The following C11orf24 variants were observed in gnomAD, a reference collection of about 807,000 sequenced individuals.
The protein encoded by C11orf24 is chromosome 11 open reading frame 24.
Under a neutral mutation model 7.3 loss-of-function variants are expected in C11orf24, and 5 were observed. The ratio of observed to expected loss-of-function variants is 0.69; its 90% CI spans 0.36 to 1.45. C11orf24 has a LOEUF of 1.45. Ranked by LOEUF, C11orf24 falls within the 40% of genes most tolerant of loss-of-function variation. The pLI is 0.03. For missense variants in C11orf24, 566 were observed against 590.5 expected (o/e 0.96, Z 0.43); for synonymous variants, 233 against 235.7 (o/e 0.99, Z 0.11).
chr11:68,271,419 C>T (rs978683633), intron 1 of C11orf24, among the ~76,000 whole-genome samples: 2 of 152,178 alleles, frequency 1.3e-5, no homozygotes, highest in Non-Finnish European at 2.9e-5. Context: ...GGGGATAGGT[C>T]TGTGTCACTC....
At chr11:68,263,656 G>C in intron 3 of C11orf24, 36 bp downstream of exon 3, 1 of 1,590,672 alleles carries the variant, frequency 6.3e-7, no homozygotes. Flanking sequence ...TGGCCACCGT[G>C]GGCCCATCCA....
At chr11:68,270,579 C>T (rs950764189) in intron 1 of C11orf24, among the ~76,000 whole-genome samples, 1 of 132,706 alleles carries the variant, frequency 7.5e-6, no homozygotes, top group Admixed American at 7.5e-5. Flanking sequence ...AGTGAGACCC[C>T]ATCTCTTAAA....
Position 68,262,152 on chromosome 11 carries a change from G to A in C11orf24, c.843C>T (p.Thr281=), listed in dbSNP as rs752643308. The A allele has an allele frequency of 1.2e-6, 2 of 1,614,050 alleles. No individual in the cohort carries two copies. The highest frequency in any genetic ancestry group is 1.7e-6 in the Non-Finnish European group (2 of 1,179,994). The change falls in exon 4 of 4, where the codon ACC becomes ACT. Residue 281 remains threonine, a synonymous_variant. Transcript: ENST00000304271. ...CTGTGGGGGTGGGGGCGGGCTCTGGGGTTGTGTTTGAGGGCATGGGTGTGG... is the reference window on the plus strand; with the variant it reads ...CTGTGGGGGTGGGGGCGGGCTCTGGAGTTGTGTTTGAGGGCATGGGTGTGG... ...NKSTPMPSNT[T]PEPAPTPTVV... is the part of the protein sequence containing the mutation.
At position 68,262,920 on chromosome 11, in the gene C11orf24, T is replaced by C; in HGVS notation, c.77-2A>G. 1 of 1,611,508 alleles carries C rather than the reference T, an allele frequency of 6.2e-7. No homozygotes were observed. The highest frequency in any genetic ancestry group is 1.1e-5 in the South Asian group (1 of 91,040). On this transcript the variant is annotated splice_acceptor_variant, in intron 3 of 3. Transcript: ENST00000304271. LOFTEE classifies it high-confidence loss of function. The stretch of plus-strand genomic sequence containing the variant: ...ACATTTTGTTAGGGACAAAGTTGCC[T>C]TAAAGTCAGAAAAAGGAGAAAAAGA...
chr11:68,265,653 A>AT (rs907627334), intron 2 of C11orf24, among the ~76,000 whole-genome samples: 3 of 151,762 alleles, frequency 2.0e-5, no homozygotes, highest in East Asian at 1.9e-4. Context: ...ACACCTGGCT[A>AT]TTTTTTTTGT....
Position 68,261,884 on chromosome 11 carries a change from G to C in C11orf24, c.1111C>G (p.Pro371Ala), listed in dbSNP as rs1286158734. The C allele has an allele frequency of 6.2e-7, 1 of 1,613,896 alleles. No individual in the cohort carries two copies. Among genetic ancestry groups the C allele is most frequent in the Non-Finnish European group, 8.5e-7 (1 of 1,180,042 alleles). ...TPRSSGGTKMPATDSCQPSTQ... is the reference protein window; with the variant it reads ...TPRSSGGTKMAATDSCQPSTQ... ...CTGGGCTGGCACGAGTCCGTGGCTG[G>C]CATCTTAGTGCCCCCTGAGCTCCTG... Residue 371 changes from proline to alanine, a missense_variant, in exon 4 of 4, where the codon CCA becomes GCA. Transcript: ENST00000304271.
Position 68,262,171 on chromosome 11 carries a change from G to C in C11orf24, c.824C>G (p.Pro275Arg), listed in dbSNP as rs1447380762. The C allele has an allele frequency of 6.2e-7, 1 of 1,613,986 alleles. No homozygotes were observed. The highest frequency in any genetic ancestry group is 2.2e-5 in the East Asian group (1 of 44,886). The change falls in exon 4 of 4, where the codon CCC (proline) becomes CGC (arginine). Residue 275 changes from proline to arginine, a missense_variant. Pro to Arg is a moderately radical substitution (Grantham distance 103, BLOSUM62 -2). Coordinates refer to ENST00000304271, the MANE Select transcript of C11orf24 (RefSeq NM_022338.4). ...PVVNTTNKST[P>R]MPSNTTPEPA... ...CTCTGGGGTTGTGTTTGAGGGCATG[G>C]GTGTGGATTTATTTGTTGTGTTAAC...
At position 68,263,831 on chromosome 11, in the gene C11orf24, GGCT is replaced by G. The variant is rs1384298282; in HGVS notation, c.-67_-65del. On this transcript the variant is annotated 5_prime_UTR_variant, in exon 3 of 4. Coordinates refer to ENST00000304271, the MANE Select transcript of C11orf24 (RefSeq NM_022338.4). Reference sequence around the variant, plus strand: ...AGGCTCCCAGCCAGCCAGCTCCTCAGGCTGCTAATGGTTCCCTCCTGCTTGGCC... The same window carrying G: ...AGGCTCCCAGCCAGCCAGCTCCTCAGGCTAATGGTTCCCTCCTGCTTGGCC... 5.0e-6 allele frequency: 7 copies of G among 1,392,754 alleles called. No homozygotes were observed. In the Admixed American group the frequency reaches 1.3e-4, roughly 25 times the overall value. 86.3% of individuals were successfully genotyped at this position (1,392,754 alleles called of 1,614,324 possible).
At chr11:68,265,923 T>C (rs2098564850) in intron 2 of C11orf24, among the ~76,000 whole-genome samples, 1 of 152,240 alleles carries the variant, frequency 6.6e-6, no homozygotes, top group African/African-American at 2.4e-5. Context: ...GTAGGCAGAC[T>C]GGGGCTTTGG....
At position 68,262,537 on chromosome 11, in the gene C11orf24, C is replaced by T. The variant is rs1565289673; in HGVS notation, c.458G>A (p.Ser153Asn). The change falls in exon 4 of 4, where the codon AGT (serine) becomes AAT (asparagine). Residue 153 changes from serine (S) to asparagine (N), a missense_variant. Physicochemically the swap from Ser to Asn is conservative, Grantham distance 46. Transcript: ENST00000304271. Reference protein sequence around the residue: ...ASIAPTTAASSMTAASSTPMT... With the variant: ...ASIAPTTAASNMTAASSTPMT... ...GGGAGTGCTGGAGGCCGCAGTCATA[C>T]TGGAGGCTGCAGTCGTGGGAGCAAT... is the stretch of plus-strand genomic sequence containing the variant. 3.7e-6 allele frequency: 6 copies of T among 1,610,882 alleles called. No homozygotes were observed. Among genetic ancestry groups the T allele is most frequent in the Non-Finnish European group, 5.1e-6 (6 of 1,177,804 alleles).
At chr11:68,263,228 C>T (rs1186783162) in intron 3 of C11orf24, 1 of 456,398 alleles carries the variant, frequency 2.2e-6, no homozygotes, top group African/African-American at 1.9e-5. Context: ...AAGTCTCACA[C>T]AACAGGTGTG....
chr11:68,262,951 A>C, intron 3 of C11orf24, 33 bp from the exon 4 acceptor site: 1 of 1,590,740 alleles, frequency 6.3e-7, no homozygotes, highest in Non-Finnish European at 8.6e-7. Flanking sequence ...AAAGAGAGAC[A>C]ATCATGTTCA....
intron 2 of C11orf24, among the ~76,000 whole-genome samples, chr11:68,264,601 T>C (rs999791759): frequency 4.3e-4 from 32 of 74,236 alleles, no homozygotes; most frequent in African/African-American, 6.7e-4. Context: ...CATAAGTCCA[T>C]CCATCCATCC....
intron 1 of C11orf24, among the ~76,000 whole-genome samples, chr11:68,271,361 G>A (rs1326789327): frequency 6.6e-6 from 1 of 152,158 alleles, no homozygotes; most frequent in Non-Finnish European, 1.5e-5. Context: ...GGCAGGGGAG[G>A]GAATCTGGGG....
chr11:68,271,369 G>A (rs2098567858), intron 1 of C11orf24, among the ~76,000 whole-genome samples: 1 of 152,122 alleles, frequency 6.6e-6, no homozygotes, highest in African/African-American at 2.4e-5. Flanking sequence ...AGGGAATCTG[G>A]GGCAATGCAC....
chr11:68,264,504 A>C (rs2153103594), intron 2 of C11orf24, among the ~76,000 whole-genome samples: 1 of 79,544 alleles, frequency 1.3e-5, no homozygotes, highest in Non-Finnish European at 2.8e-5. Flanking sequence ...CCATCCACCC[A>C]CTCATCCATC....
rs1565289279 is a variant in C11orf24 at position 68,262,186 on chromosome 11, G to C, written c.809C>G (p.Thr270Arg). The C allele has an allele frequency of 6.2e-7, 1 of 1,613,752 alleles. No individual in the cohort carries two copies. The highest frequency in any genetic ancestry group is 1.6e-4 in the Middle Eastern group (1 of 6,062). The change falls in exon 4 of 4, where the codon ACA (threonine) becomes AGA (arginine). Residue 270 changes from threonine (T) to arginine (R), a missense_variant. Transcript: ENST00000304271. ...TGAGGGCATGGGTGTGGATTTATTTGTTGTGTTAACCACAGGCTGGTCCAC... is the reference window on the plus strand; with the variant it reads ...TGAGGGCATGGGTGTGGATTTATTTCTTGTGTTAACCACAGGCTGGTCCAC... ...VSVDQPVVNTTNKSTPMPSNT... is the reference protein window; with the variant it reads ...VSVDQPVVNTRNKSTPMPSNT...
At chr11:68,264,037 C>A (rs2098563302) in intron 2 of C11orf24, among the ~76,000 whole-genome samples, 171 bp from the exon 3 acceptor site, 1 of 152,178 alleles carries the variant, frequency 6.6e-6, no homozygotes, top group African/African-American at 2.4e-5. Context: ...TAGTAATGAA[C>A]TGCCCTGTGC....
chr11:68,269,959 T>C (rs1433190330), intron 1 of C11orf24, among the ~76,000 whole-genome samples: 1 of 152,242 alleles, frequency 6.6e-6, no homozygotes, highest in African/African-American at 2.4e-5. Flanking sequence ...AGTTGACTCA[T>C]GATGGACAAA....
Sources: allele counts gnomAD v4.1 joint callset (sites outside exome capture counted in the v4.1 genomes callset), GRCh38; gene constraint gnomAD v4.1.1; transcripts MANE v1.5; gene names NCBI Gene and HGNC (gene_info 2026-07-23, HGNC 2026-07-21).